Variants in TMCO5A observed in about 807,000 individuals in gnomAD.
The protein encoded by TMCO5A is transmembrane and coiled-coil domain-containing protein 5A.
A neutral mutation model predicts 42.3 loss-of-function variants in TMCO5A; 34 were observed. The observed-to-expected ratio is 0.80, with a 90% CI of 0.61 to 1.07. The LOEUF is 1.07. Ranked by LOEUF, TMCO5A falls within the 50% of genes least tolerant of loss-of-function variation. TMCO5A has a pLI of 0.00. For synonymous variants in TMCO5A, 131 were observed against 115.6 expected, an observed-to-expected ratio of 1.13 and a Z score of -0.86; for missense variants, 357 against 327.9, an observed-to-expected ratio of 1.09 and a Z score of -0.69.
At chr15:38,005,902 G>A in the TMCO5A span, among the ~76,000 whole-genome samples, 4 of 152,222 alleles carry the variant, frequency 2.6e-5, no homozygotes, top group African/African-American at 9.6e-5. Context: ...CGAAGGAACT[G>A]AACAGCAATA....
chr15:37,978,313 G>A, the TMCO5A span, among the ~76,000 whole-genome samples: 1 of 152,180 alleles, frequency 6.6e-6, no homozygotes, highest in African/African-American at 2.4e-5. Flanking sequence ...AGGAACAAGG[G>A]CAAAACTGCT....
chr15:37,940,504 C>T (rs1410779960), intron 6 of TMCO5A, among the ~76,000 whole-genome samples: 1 of 152,146 alleles, frequency 6.6e-6, no homozygotes, highest in East Asian at 1.9e-4. Context: ...CAACCACCTA[C>T]CACCTCCTCT....
chr15:37,940,703 T>A (rs1009977697), intron 6 of TMCO5A, among the ~76,000 whole-genome samples: 10 of 152,192 alleles, frequency 6.6e-5, no homozygotes, highest in Admixed American at 2.6e-4. Flanking sequence ...ACACACATGC[T>A]TCACTCCAGC....
the TMCO5A span, among the ~76,000 whole-genome samples, chr15:37,988,904 A>C: frequency 2.6e-5 from 4 of 151,916 alleles, no homozygotes; most frequent in Non-Finnish European, 4.4e-5. Flanking sequence ...TATTTTTCAA[A>C]AGTTTGAGAA....
At chr15:37,939,488 TC>T (rs1334035888) in intron 6 of TMCO5A, among the ~76,000 whole-genome samples, 2 of 152,086 alleles carry the variant, frequency 1.3e-5, no homozygotes, top group Non-Finnish European at 2.9e-5. Flanking sequence ...TCTTCCAAGA[TC>T]ACCTCTTTTT....
chr15:37,951,281 G>T lies in TMCO5A; in HGVS notation c.*47G>T. 6.4e-7 allele frequency: 1 copy of T among 1,572,498 alleles called. No individual in the cohort carries two copies. The highest frequency in any genetic ancestry group is 1.7e-4 in the Middle Eastern group (1 of 5,742). On this transcript the variant is annotated 3_prime_UTR_variant, in exon 12 of 12. Coordinates refer to ENST00000319669, the MANE Select transcript of TMCO5A (RefSeq NM_152453.4). Reference sequence around the variant, plus strand: ...GCAATAGAAGGGAAGTGGGATCCGAGCCTGTAGAAGGGAGGCATGAAACTT... The same window carrying T: ...GCAATAGAAGGGAAGTGGGATCCGATCCTGTAGAAGGGAGGCATGAAACTT...
downstream of TMCO5A, among the ~76,000 whole-genome samples, chr15:37,968,117 A>G (rs1341913707): frequency 6.6e-6 from 1 of 152,198 alleles, no homozygotes; most frequent in Non-Finnish European, 1.5e-5. Flanking sequence ...CTAAGTGCAG[A>G]TAACAGTGTC....
chr15:37,961,571 T>C lies in TMCO5A; in HGVS notation c.669-5054T>C, dbSNP rs1890429125. On this transcript the variant is annotated intron_variant, in intron 11 of 11. Transcript: ENST00000559502. Reference sequence around the variant, plus strand: ...ATTTTAGATTTTTTTTCTATTTCTGTGAAGAATGATGGTATTTTGATGGGG... The same window carrying C: ...ATTTTAGATTTTTTTTCTATTTCTGCGAAGAATGATGGTATTTTGATGGGG... Among the ~76,000 whole-genome samples the C allele has an allele frequency of 2.1e-5, 3 of 142,064 alleles. 1 individual carries two copies. In the South Asian group the frequency reaches 6.6e-4, roughly 31 times the overall value. The allele number at this position is 142,064 out of a possible 152,430, so 93.2% of individuals were successfully genotyped here.
At chr15:38,029,792 T>C in the TMCO5A span, among the ~76,000 whole-genome samples, 1 of 152,174 alleles carries the variant, frequency 6.6e-6, no homozygotes, top group Non-Finnish European at 1.5e-5. Context: ...AATTCAACTC[T>C]CTCAGAACTG....
the TMCO5A span, among the ~76,000 whole-genome samples, chr15:38,032,925 T>TA: frequency 8.3e-6 from 1 of 120,942 alleles, no homozygotes; most frequent in African/African-American, 3.1e-5. Flanking sequence ...AAATTTGGTC[T>TA]CTTTTTTTTT....
chr15:38,016,392 T>TG, the TMCO5A span, among the ~76,000 whole-genome samples: 1 of 152,164 alleles, frequency 6.6e-6, no homozygotes, highest in East Asian at 1.9e-4. Context: ...TCAGGCTCTG[T>TG]GGGCAATGGG....
chr15:37,951,343 C>G lies in TMCO5A; in HGVS notation c.*109C>G, dbSNP rs975461677. 1.9e-6 allele frequency: 2 copies of G among 1,065,826 alleles called. No homozygotes were observed. The highest frequency in any genetic ancestry group is 2.7e-6 in the Non-Finnish European group (2 of 729,960). The allele number at this position is 1,065,826 out of a possible 1,614,324, so 66.0% of individuals were successfully genotyped here. On this transcript the variant is annotated 3_prime_UTR_variant, in exon 12 of 12. Transcript: ENST00000319669. ...AGATTTGCTTCAGTTTTTTCCTCAC[C>G]GTTTGCCTGCTTGACTACCTTCTGT...
chr15:37,972,912 T>G, the TMCO5A span, among the ~76,000 whole-genome samples: 1 of 152,162 alleles, frequency 6.6e-6, no homozygotes, highest in South Asian at 2.1e-4. Flanking sequence ...AGTTGTAGGT[T>G]TTACATACAA....
rs1190062268 is a variant in TMCO5A, at chr15:37,936,442, A to G, written c.119A>G (p.Glu40Gly). Residue 40 changes from glutamate to glycine, a missense_variant, in exon 3 of 12, where the codon GAG (glutamate) becomes GGG (glycine). Coordinates refer to ENST00000319669, the MANE Select transcript of TMCO5A (RefSeq NM_152453.4). ...CAGAAACTTCTTCTCAAAATCCAAG[A>G]GAGGGAAGATAAGATTCAGAGGTGA... ...ANQKLLLKIQEREDKIQRLES... is the reference protein window; with the variant it reads ...ANQKLLLKIQGREDKIQRLES... 6.2e-7 allele frequency: 1 copy of G among 1,612,898 alleles called. No individual in the cohort carries two copies. Among genetic ancestry groups the G allele is most frequent in the East Asian group, 2.2e-5 (1 of 44,824 alleles).
the TMCO5A span, among the ~76,000 whole-genome samples, chr15:37,977,939 C>A: frequency 2.0e-5 from 3 of 152,302 alleles, no homozygotes; most frequent in African/African-American, 4.8e-5. Flanking sequence ...GACAGACTTG[C>A]CTCTTCTCCT....
At chr15:38,035,459 A>G in the TMCO5A span, among the ~76,000 whole-genome samples, 2 of 152,208 alleles carry the variant, frequency 1.3e-5, no homozygotes, top group Non-Finnish European at 2.9e-5. Context: ...GGTGCTTGAA[A>G]AGTAGAGCCT....
At position 37,941,810 on chromosome 15, in the gene TMCO5A, T is replaced by C. The variant is rs762526022; in HGVS notation, c.504+80T>C. ...TAGAACAAGGATTTTCAAAGACTACTGTCCAGAGCAATTTCAACAGTTCAA... is the reference window on the plus strand; with the variant it reads ...TAGAACAAGGATTTTCAAAGACTACCGTCCAGAGCAATTTCAACAGTTCAA... On this transcript the variant is annotated intron_variant, in intron 8 of 11. Transcript: ENST00000319669. 119 of 1,240,058 alleles carry C rather than the reference T, an allele frequency of 9.6e-5. 1 individual carries two copies. The highest frequency in any genetic ancestry group is 1.0e-4 in the Admixed American group (6 of 58,206). 76.8% of individuals were successfully genotyped at this position (1,240,058 alleles called of 1,614,324 possible). A position where few individuals can be genotyped will look rare whatever the true frequency, so the allele number is the denominator to read the frequency against.
chr15:37,950,124 T>C (rs1270853243), intron 11 of TMCO5A, among the ~76,000 whole-genome samples: 2 of 152,210 alleles, frequency 1.3e-5, no homozygotes, highest in South Asian at 2.1e-4. Flanking sequence ...CTGCACTACA[T>C]ACTGTGACTT....
At chr15:38,016,508 G>A in the TMCO5A span, among the ~76,000 whole-genome samples, 37 of 152,142 alleles carry the variant, frequency 2.4e-4, no homozygotes, top group African/African-American at 8.7e-4. Flanking sequence ...CTGATTTGGT[G>A]CAAGACTAAA....
Sources: allele counts gnomAD v4.1 joint callset (sites outside exome capture counted in the v4.1 genomes callset), GRCh38; gene constraint gnomAD v4.1.1; transcripts MANE v1.5; gene names NCBI Gene and HGNC (gene_info 2026-07-23, HGNC 2026-07-21).